The following HMGCLL1 variants were observed in gnomAD, a reference collection of about 807,000 sequenced individuals.
The protein encoded by HMGCLL1 is 3-hydroxy-3-methylglutaryl-CoA lyase like 1, also known as 3-hydroxymethyl-3-methylglutaryl-CoA lyase, cytoplasmic.
Under a neutral mutation model 39.1 loss-of-function variants are expected in HMGCLL1, and 36 were observed. That is an observed-to-expected ratio of 0.92 (90% CI 0.71 to 1.22). The LOEUF is 1.22. Among genes scored for constraint, HMGCLL1 ranks in the 50% most tolerant of loss-of-function variants. The pLI is 0.00. For synonymous variants in HMGCLL1, 149 were observed against 144.0 expected (o/e 1.03, Z -0.25); for missense variants, 451 against 416.5 (o/e 1.08, Z -0.72).
intron 5 of HMGCLL1, among the ~76,000 whole-genome samples, chr6:55,510,305 G>A (rs1767379806): frequency 6.6e-6 from 1 of 151,710 alleles, no homozygotes. Context: ...ATACCCAAAG[G>A]ACTATAAATC....
chr6:55,564,700 T>A (rs1188069232), intron 1 of HMGCLL1, among the ~76,000 whole-genome samples: 1 of 152,108 alleles, frequency 6.6e-6, no homozygotes, highest in Non-Finnish European at 1.5e-5. Flanking sequence ...TGACTTTGAG[T>A]CAATGGTACA....
chr6:55,558,796 G>T (rs1229466981), intron 1 of HMGCLL1, among the ~76,000 whole-genome samples: 1 of 152,160 alleles, frequency 6.6e-6, no homozygotes, highest in Admixed American at 6.5e-5. Flanking sequence ...CCCAAGAGCT[G>T]CTCCTTGGCT....
In HMGCLL1 at chr6:55,476,482, G is replaced by T. The variant is rs554231541; in HGVS notation, c.795+18937C>A. ...TACCTATAACTTATGTTGGAAGTTTGAATACACAATTATGACATTTGAAAT... is the reference window on the plus strand; with the variant it reads ...TACCTATAACTTATGTTGGAAGTTTTAATACACAATTATGACATTTGAAAT... On this transcript the variant is annotated intron_variant, in intron 7 of 8. Transcript: ENST00000274901. Among the ~76,000 whole-genome samples, 8 of 151,564 alleles carry T rather than the reference G, an allele frequency of 5.3e-5. No homozygotes were observed. The East Asian group carries it at 9.7e-4, about 18-fold the overall frequency.
intron 1 of HMGCLL1, among the ~76,000 whole-genome samples, chr6:55,576,422 G>A (rs1230123793): frequency 6.6e-6 from 1 of 152,176 alleles, no homozygotes; most frequent in Non-Finnish European, 1.5e-5. Flanking sequence ...GAGATGCAAT[G>A]AAAAGATCAT....
At chr6:55,667,879 A>G in the HMGCLL1 span, among the ~76,000 whole-genome samples, 1 of 151,724 alleles carries the variant, frequency 6.6e-6, no homozygotes, top group Non-Finnish European at 1.5e-5. Context: ...CTTATACAAT[A>G]TACACTAAAT....
At chr6:55,518,444 A>T (rs1232350458) in intron 3 of HMGCLL1, among the ~76,000 whole-genome samples, 1 of 152,122 alleles carries the variant, frequency 6.6e-6, no homozygotes, top group Non-Finnish European at 1.5e-5. Context: ...TTCTTCCAGG[A>T]TCTCACCACT....
upstream of HMGCLL1, among the ~76,000 whole-genome samples, chr6:55,580,402 C>CTTTTTTT (rs1561975440): frequency 1.2e-5 from 1 of 82,718 alleles, no homozygotes; most frequent in Non-Finnish European, 2.7e-5. Flanking sequence ...TTTCTTTTTT[C>CTTTTTTT]TTTCTTTTTT....
At chr6:55,471,259 A>G (rs576163509) in intron 7 of HMGCLL1, among the ~76,000 whole-genome samples, 2 of 150,780 alleles carry the variant, frequency 1.3e-5, no homozygotes, top group East Asian at 1.9e-4. Flanking sequence ...ATAGCTGTCA[A>G]TATTCCTTGT....
At chr6:55,558,827 T>C (rs1303838176) in intron 1 of HMGCLL1, among the ~76,000 whole-genome samples, 3 of 152,208 alleles carry the variant, frequency 2.0e-5, no homozygotes, top group Non-Finnish European at 2.9e-5. Flanking sequence ...ATTTTCCTTC[T>C]ATCCCTTAAT....
chr6:55,652,410 A>C, the HMGCLL1 span, among the ~76,000 whole-genome samples: 2 of 152,082 alleles, frequency 1.3e-5, no homozygotes, highest in South Asian at 4.1e-4. Flanking sequence ...TAGATACTGA[A>C]AACTCTGCAT....
the HMGCLL1 span, among the ~76,000 whole-genome samples, chr6:55,631,448 A>G: frequency 6.6e-6 from 1 of 152,062 alleles, no homozygotes; most frequent in South Asian, 2.1e-4. Flanking sequence ...ATGAAAAATA[A>G]TGCCAAAAAG....
upstream of HMGCLL1, chr6:55,579,346 C>T (rs774168706): frequency 3.4e-4 from 168 of 498,864 alleles, no homozygotes; most frequent in Non-Finnish European, 5.3e-4. Flanking sequence ...CCAGGGGTGT[C>T]TCATTTTCCG....
chr6:55,533,353 A>G (rs1171000500), intron 3 of HMGCLL1, among the ~76,000 whole-genome samples: 2 of 152,108 alleles, frequency 1.3e-5, no homozygotes, highest in African/African-American at 2.4e-5. Context: ...ATTCAATAAG[A>G]GATAAGTTTG....
the HMGCLL1 span, among the ~76,000 whole-genome samples, chr6:55,620,608 C>T: frequency 6.6e-6 from 1 of 151,448 alleles, no homozygotes; most frequent in South Asian, 2.1e-4. Flanking sequence ...ATTTTGATTT[C>T]CTGTGCTTTT....
the HMGCLL1 span, among the ~76,000 whole-genome samples, chr6:55,625,520 T>C: frequency 1.3e-5 from 2 of 152,074 alleles, no homozygotes; most frequent in African/African-American, 4.8e-5. Flanking sequence ...CAGATGGTTC[T>C]GCACAATATT....
At chr6:55,613,625 A>G in the HMGCLL1 span, among the ~76,000 whole-genome samples, 1 of 152,178 alleles carries the variant, frequency 6.6e-6, no homozygotes, top group African/African-American at 2.4e-5. Context: ...TGTCCTTTGC[A>G]GGGACATGGA....
At chr6:55,525,764 C>G (rs866946527) in intron 3 of HMGCLL1, among the ~76,000 whole-genome samples, 4 of 152,100 alleles carry the variant, frequency 2.6e-5, no homozygotes, top group Middle Eastern at 6.8e-3. Flanking sequence ...GAAATCTGCA[C>G]ATTCAGTAAT....
chr6:55,446,308 T>A (rs1380230456), intron 7 of HMGCLL1, among the ~76,000 whole-genome samples: 7 of 148,288 alleles, frequency 4.7e-5, no homozygotes, highest in African/African-American at 1.7e-4. Flanking sequence ...ACATACATAA[T>A]ATATAAATAT....
At chr6:55,575,182 T>A (rs1771702343) in intron 1 of HMGCLL1, among the ~76,000 whole-genome samples, 1 of 151,966 alleles carries the variant, frequency 6.6e-6, no homozygotes, top group South Asian at 2.1e-4. Flanking sequence ...ATAAAACAGG[T>A]CCTAAGAGAT....
Sources: gnomAD v4.1 joint callset for allele counts (sites outside exome capture counted in the v4.1 genomes callset) on GRCh38, gnomAD v4.1.1 for gene constraint, MANE v1.5 for transcripts, NCBI Gene and HGNC (gene_info 2026-07-23, HGNC 2026-07-21) for gene names.